Variants in SHANK1 observed in about 807,000 individuals in gnomAD.
The protein encoded by SHANK1 is SH3 and multiple ankyrin repeat domains protein 1.
Under a neutral mutation model 165.6 loss-of-function variants are expected in SHANK1, and 35 were observed. The observed-to-expected ratio is 0.21, with a 90% CI of 0.16 to 0.28. SHANK1 has a LOEUF of 0.28. SHANK1 is among the 10% of genes least tolerant of loss of function. SHANK1 has a pLI of 1.00. For synonymous variants in SHANK1, 1,428 were observed against 1,384.8 expected (o/e 1.03, Z -0.69); for missense variants, 2,681 against 3,036.4 (o/e 0.88, Z 2.75).
At position 50,661,639 on chromosome 19, in the gene SHANK1, A is replaced by G. The variant is rs1169912296; in HGVS notation, c.*326T>C. On this transcript the variant is annotated 3_prime_UTR_variant, in exon 24 of 24. Transcript: ENST00000293441. ...CCCCATCCAATCGGGCTCAGGGCTG[A>G]CCCTCTATGGCTCTGTCTATCCCCT... Among the ~76,000 whole-genome samples the G allele has an allele frequency of 6.6e-6, 1 of 151,576 alleles. No homozygotes were observed. The highest frequency in any genetic ancestry group is 6.6e-5 in the Admixed American group (1 of 15,244).
chr19:50,683,708 C>T (rs559827211), intron 21 of SHANK1, among the ~76,000 whole-genome samples: 5 of 152,218 alleles, frequency 3.3e-5, no homozygotes, highest in Non-Finnish European at 7.4e-5. Flanking sequence ...GAGAAGGCAC[C>T]CTCGTTCAGC....
chr19:50,706,915 T>C (rs1312067045), intron 8 of SHANK1, among the ~76,000 whole-genome samples: 3 of 152,066 alleles, frequency 2.0e-5, no homozygotes, highest in Non-Finnish European at 4.4e-5. Flanking sequence ...GTAGCTGAGA[T>C]TACAGGCACC....
At position 50,667,522 on chromosome 19, in the gene SHANK1, C is replaced by G. The variant is rs375860905; in HGVS notation, c.4438G>C (p.Ala1480Pro). 1 of 1,514,350 alleles carries G rather than the reference C, an allele frequency of 6.6e-7. No homozygotes were observed. Among genetic ancestry groups the G allele is most frequent in the Non-Finnish European group, 8.7e-7 (1 of 1,144,752 alleles). 93.8% of individuals were successfully genotyped at this position (1,514,350 alleles called of 1,614,324 possible). ...AGCCGCTCGGGTTCTTCGGGGGCTG[C>G]GGACCTCCAGGGCTTGCTTACTCCG... is the stretch of plus-strand genomic sequence containing the variant. Reference protein sequence around the residue: ...HPGVSKPWRSAAPEEPERLPL... With the variant: ...HPGVSKPWRSPAPEEPERLPL... The change falls in exon 23 of 24, where the codon GCA (alanine) becomes CCA (proline). Residue 1480 changes from alanine (A) to proline (P), a missense_variant. Ala to Pro is a conservative substitution (Grantham distance 27). This residue lies in a region of SHANK1 where 1,713 missense variants were observed against 1,630.2 expected (regional missense o/e 1.05). Coordinates refer to ENST00000293441, the MANE Select transcript of SHANK1 (RefSeq NM_016148.5). This position sits in a 1 kb window ranked among gnomAD's most constrained non-coding sequence, Gnocchi z 5.7.
At chr19:50,691,884 T>C (rs1986549843) in intron 15 of SHANK1, among the ~76,000 whole-genome samples, 1 of 152,074 alleles carries the variant, frequency 6.6e-6, no homozygotes. Flanking sequence ...GGGGTCTCAC[T>C]ATCTTTCCCA....
Position 50,707,876 on chromosome 19 carries a change from T to TTTTTCTTTTC in SHANK1, c.1078-3372_1078-3363dup, listed in dbSNP as rs60019205. Among the ~76,000 whole-genome samples the TTTTTCTTTTC allele has an allele frequency of 5.9e-3, 563 of 94,990 alleles. 21 individuals carry two copies. Among genetic ancestry groups the TTTTTCTTTTC allele is most frequent in the Non-Finnish European group, 8.5e-3 (399 of 46,864 alleles). 62.3% of individuals were successfully genotyped at this position (94,990 alleles called of 152,430 possible). On this transcript the variant is annotated intron_variant, in intron 8 of 23. Transcript: ENST00000293441. ...CTCCTGCCATGTGTACTTTTGCGTG[T>TTTTTCTTTTC]TTTTCTTTTCTTTTCTTTTCTTTTC...
intron 23 of SHANK1, among the ~76,000 whole-genome samples, chr19:50,663,926 C>CTT (rs1180714278): frequency 0.029 from 2,003 of 69,448 alleles, 51 homozygotes; most frequent in African/African-American, 0.13. Context: ...TCTTTTCTTT[C>CTT]TCTCTCTCTC....
intron 5 of SHANK1, 53 bp downstream of exon 5, chr19:50,714,129 C>A (rs2089041620): frequency 6.4e-7 from 1 of 1,567,180 alleles, no homozygotes. Context: ...GGCACCCCTG[C>A]TCCCCAGCTC....
Position 50,668,226 on chromosome 19 carries a change from C to A in SHANK1, c.3734G>T (p.Gly1245Val). 2 of 1,488,996 alleles carry A rather than the reference C, an allele frequency of 1.3e-6. No homozygotes were observed. Among genetic ancestry groups the A allele is most frequent in the Non-Finnish European group, 8.8e-7 (1 of 1,133,082 alleles). 92.2% of individuals were successfully genotyped at this position (1,488,996 alleles called of 1,614,324 possible). The stretch of plus-strand genomic sequence containing the variant: ...GCGCCGGCGCGCCTCATTCTGCCAG[C>A]CCCCCTCCCTCCGGGCCGCCCCCAC... ...ALVGAARREG[G>V]WQNEARRRST... The change falls in exon 23 of 24, where the codon GGC becomes GTC. Residue 1245 changes from glycine to valine, a missense_variant. Gly to Val is a moderately radical substitution (Grantham distance 109). Around this residue, in one of 10 missense-constraint regions of SHANK1, gnomAD observed 1,713 missense variants for 1,630.2 expected, o/e 1.05. Transcript: ENST00000293441.
At chr19:50,715,058 A>G (rs1599874798) in intron 4 of SHANK1, among the ~76,000 whole-genome samples, 2 of 151,850 alleles carry the variant, frequency 1.3e-5, no homozygotes, top group African/African-American at 4.8e-5. Flanking sequence ...AGGGACTGGG[A>G]GTTTTTCCTT....
chr19:50,708,953 A>G (rs1035545036), intron 8 of SHANK1, among the ~76,000 whole-genome samples: 4 of 152,236 alleles, frequency 2.6e-5, no homozygotes, highest in East Asian at 1.9e-4. Context: ...CAGGAGGCCA[A>G]GGCGGCAGAG....
In SHANK1 at chr19:50,662,527, G is replaced by C. The variant is rs754773765; in HGVS notation, c.5924C>G (p.Ser1975Cys). ...GAGGTGGCGGGTGGACGTGGAGGAGGAGGAGGCTGAGGGTGAGGTGGCCCC... is the reference window on the plus strand; with the variant it reads ...GAGGTGGCGGGTGGACGTGGAGGAGCAGGAGGCTGAGGGTGAGGTGGCCCC... ...APGATSPSAS[S>C]SSTSTRHLQG... Residue 1975 changes from serine to cysteine, a missense_variant, in exon 24 of 24, where the codon TCC (serine) becomes TGC (cysteine). This residue lies in a region of SHANK1 where 1,713 missense variants were observed against 1,630.2 expected (regional missense o/e 1.05). Coordinates refer to ENST00000293441, the MANE Select transcript of SHANK1 (RefSeq NM_016148.5). The surrounding 1 kb of genome is among the most constrained non-coding windows in gnomAD (Gnocchi z 7.7). The C allele has an allele frequency of 1.3e-6, 2 of 1,559,296 alleles. No individual in the cohort carries two copies. The highest frequency in any genetic ancestry group is 2.4e-5 in the South Asian group (2 of 84,770).
intron 21 of SHANK1, among the ~76,000 whole-genome samples, chr19:50,677,696 T>A (rs934003574): frequency 9.9e-5 from 15 of 152,168 alleles, no homozygotes; most frequent in African/African-American, 3.4e-4. Context: ...TGACAAGATG[T>A]GGCGAGCAAC....
chr19:50,716,626 T>G lies in SHANK1; in HGVS notation c.255+39A>C. On this transcript the variant is annotated intron_variant, in intron 2 of 23. Coordinates refer to ENST00000293441, the MANE Select transcript of SHANK1 (RefSeq NM_016148.5). This position sits in a 1 kb window ranked among gnomAD's most constrained non-coding sequence, Gnocchi z 8.4. ...GGACTCCCCATGTCGGTTGGGGCAC[T>G]GTCCCTCTCCTGCCGCTGGCCAGTG... The G allele has an allele frequency of 6.4e-7, 1 of 1,552,912 alleles. No homozygotes were observed. Among genetic ancestry groups the G allele is most frequent in the Non-Finnish European group, 8.7e-7 (1 of 1,146,526 alleles).
intron 19 of SHANK1, 136 bp downstream of exon 19, chr19:50,687,446 G>T (rs1986388561): frequency 4.6e-6 from 3 of 653,994 alleles, no homozygotes; most frequent in Non-Finnish European, 5.1e-6. Context: ...ACAGGCCAGA[G>T]TCCGACCCAT....
chr19:50,701,741 C>T lies in SHANK1; in HGVS notation c.1747+726G>A, dbSNP rs552713429. On this transcript the variant is annotated intron_variant, in intron 12 of 23. Coordinates refer to ENST00000293441, the MANE Select transcript of SHANK1 (RefSeq NM_016148.5). Reference sequence around the variant, plus strand: ...GCCTAGAGTCTGGCAAAGAATTGTTCCAATGCCTCGTATTAACGGCCACAC... The same window carrying T: ...GCCTAGAGTCTGGCAAAGAATTGTTTCAATGCCTCGTATTAACGGCCACAC... Among the ~76,000 whole-genome samples, 10 of 152,264 alleles carry T rather than the reference C, an allele frequency of 6.6e-5. No individual in the cohort carries two copies. In the South Asian group the frequency reaches 1.9e-3, roughly 28 times the overall value.
At chr19:50,705,967 G>A (rs1000957761) in intron 8 of SHANK1, among the ~76,000 whole-genome samples, 1 of 152,070 alleles carries the variant, frequency 6.6e-6, no homozygotes, top group Non-Finnish European at 1.5e-5. Context: ...GACCAGCCTG[G>A]GCAACATGGC....
At position 50,666,464 on chromosome 19, in the gene SHANK1, AGAG is replaced by A; in HGVS notation, c.5493_5495del (p.Ser1832del). On this transcript the variant is annotated inframe_deletion, in exon 23 of 24. Transcript: ENST00000293441. ...CCCAGGGCAGCAGCTTCCGGGGCAG[AGAG>A]GAGGCCGTCGGCAAGGGCACCGGTG... 1 of 1,605,730 alleles carries A rather than the reference AGAG, an allele frequency of 6.2e-7. No individual in the cohort carries two copies. The highest frequency in any genetic ancestry group is 8.5e-7 in the Non-Finnish European group (1 of 1,177,614).
chr19:50,712,637 C>T (rs966743658), intron 6 of SHANK1, among the ~76,000 whole-genome samples: 2 of 152,178 alleles, frequency 1.3e-5, no homozygotes, highest in Non-Finnish European at 2.9e-5. Context: ...TTCCTGCCCC[C>T]ACTTGAAGGA....
rs2123070912 is a variant in SHANK1 at position 50,666,192 on chromosome 19, C to T, written c.5768G>A (p.Arg1923Lys). 6.3e-7 allele frequency: 1 copy of T among 1,589,202 alleles called. No individual in the cohort carries two copies. Among genetic ancestry groups the T allele is most frequent in the Admixed American group, 1.7e-5 (1 of 57,230 alleles). ...PERTSSLQRQ[R>K]LSDDSQSSLL... ...TTGTTGGCCACCAGCCCCCGCTTAC[C>T]TCTGCCGCTGCAGGGAGGAGGTCCT... Residue 1923 changes from arginine (R) to lysine (K), a missense_variant and splice_region_variant, in exon 23 of 24, where the codon AGA becomes AAA. Physicochemically the swap from Arg to Lys is conservative, Grantham distance 26. This residue lies in a region of SHANK1 where 1,713 missense variants were observed against 1,630.2 expected (regional missense o/e 1.05). Transcript: ENST00000293441.
Sources: allele counts gnomAD v4.1 joint callset (sites outside exome capture counted in the v4.1 genomes callset), GRCh38; gene constraint gnomAD v4.1.1; regional missense constraint gnomAD v4.1.1; non-coding constraint Gnocchi (gnomAD v3.1); transcripts MANE v1.5; gene names NCBI Gene and HGNC (gene_info 2026-07-23, HGNC 2026-07-21).